Variants in PASD1 observed in about 807,000 individuals in gnomAD.
PASD1 encodes circadian clock protein PASD1.
A neutral mutation model predicts 58.8 loss-of-function variants in PASD1; 13 were observed. The ratio of observed to expected loss-of-function variants is 0.22; its 90% CI spans 0.14 to 0.35. The LOEUF (loss-of-function observed/expected upper bound fraction) is 0.35. Ranked by LOEUF, PASD1 falls within the 10% of genes least tolerant of loss-of-function variation. The probability of loss-of-function intolerance (pLI) is 1.00; values close to 1 mark genes in which losing one functional copy is unlikely to be tolerated. For missense variants in PASD1, 734 were observed against 568.3 expected (o/e 1.29, Z -2.96); for synonymous variants, 236 against 216.7 (o/e 1.09, Z -0.78).
At position 151,636,050 on chromosome X, in the gene PASD1, A is replaced by C. The variant is rs939589402; in HGVS notation, c.629+10520A>C. On this transcript the variant is annotated intron_variant, in intron 8 of 15. Transcript: ENST00000370357. ...TTTAAAGATATACAATGTTTTCAGC[A>C]CACTAGAAGCCTTCTTTGTGCCCCT... Among the ~76,000 whole-genome samples, 4 of 111,485 alleles carry C rather than the reference A, an allele frequency of 3.6e-5. No individual in the cohort carries two copies. The East Asian group carries it at 1.1e-3, about 31-fold the overall frequency.
Position 151,674,182 on chromosome X carries a change from A to G in PASD1, c.2171A>G (p.His724Arg). 8.3e-7 allele frequency: 1 copy of G among 1,211,638 alleles called. No homozygotes were observed. Among genetic ancestry groups the G allele is most frequent in the Non-Finnish European group, 1.1e-6 (1 of 895,474 alleles). Residue 724 changes from histidine to arginine, a missense_variant, in exon 15 of 16, where the codon CAT (histidine) becomes CGT (arginine). Physicochemically the swap from His to Arg is conservative, Grantham distance 29. Transcript: ENST00000370357. Reference protein sequence around the residue: ...QGTLHGQPTYHQVQVSEVGVE... With the variant: ...QGTLHGQPTYRQVQVSEVGVE... ...ACCCTGCACGGCCAACCCACCTACCATCAGGTATGGGACAGCCCCCTCCTT... is the reference window on the plus strand; with the variant it reads ...ACCCTGCACGGCCAACCCACCTACCGTCAGGTATGGGACAGCCCCCTCCTT...
rs139740818 is a variant in PASD1 at position 151,603,005 on chromosome X, T to C, written c.28+1424T>C. Among the ~76,000 whole-genome samples, 61 of 112,805 alleles carry C rather than the reference T, an allele frequency of 5.4e-4. 2 individuals carry two copies. The East Asian group carries it at 0.015, about 27-fold the overall frequency. On this transcript the variant is annotated intron_variant, in intron 2 of 15. Transcript: ENST00000370357. Reference sequence around the variant, plus strand: ...GTCAATCAAATCTTAGCTCAGATGTTACCTTCCTAATACCTTCCTAGTAAG... The same window carrying C: ...GTCAATCAAATCTTAGCTCAGATGTCACCTTCCTAATACCTTCCTAGTAAG...
At chrX:151,611,892 T>C in intron 4 of PASD1, 139 bp downstream of exon 4, 1 of 407,506 alleles carries the variant, frequency 2.5e-6, no homozygotes, top group Admixed American at 4.4e-5. Context: ...TATGGATACA[T>C]GTGCCATGTT....
intron 4 of PASD1, among the ~76,000 whole-genome samples, chrX:151,617,801 T>C (rs1373688016): frequency 1.8e-5 from 2 of 111,860 alleles, no homozygotes; most frequent in Admixed American, 9.6e-5. Context: ...GTTTCATTTC[T>C]GCATTTCTGA....
chrX:151,611,138 T>A (rs2013552496), intron 3 of PASD1, among the ~76,000 whole-genome samples: 2 of 111,447 alleles, frequency 1.8e-5, no homozygotes, highest in Admixed American at 1.9e-4. Flanking sequence ...TCCCTTACTT[T>A]ACCAGTAGCT....
intron 3 of PASD1, among the ~76,000 whole-genome samples, chrX:151,605,022 G>C (rs2013470041): frequency 8.9e-6 from 1 of 112,091 alleles, no homozygotes; most frequent in African/African-American, 3.2e-5. Context: ...GGCAAGTTAA[G>C]TGGTTATCTG....
At chrX:151,588,234 G>T (rs2013196603) in intron 1 of PASD1, among the ~76,000 whole-genome samples, 1 of 112,144 alleles carries the variant, frequency 8.9e-6, no homozygotes, top group South Asian at 3.7e-4. Flanking sequence ...TCTATAGAAA[G>T]ACAGAGTTGA....
chrX:151,595,104 T>C (rs1414186889), intron 1 of PASD1, among the ~76,000 whole-genome samples: 1 of 112,450 alleles, frequency 8.9e-6, no homozygotes, highest in African/African-American at 3.2e-5. Flanking sequence ...TGTTTTAGTT[T>C]TTCTTTGTGT....
chrX:151,606,971 C>T (rs1455690566), intron 3 of PASD1, among the ~76,000 whole-genome samples: 2 of 111,531 alleles, frequency 1.8e-5, no homozygotes, highest in African/African-American at 3.3e-5. Flanking sequence ...CAAAAATATA[C>T]ATAACATATA....
chrX:151,653,786 C>CTT (rs1569413693), intron 9 of PASD1, among the ~76,000 whole-genome samples: 1 of 17,046 alleles, frequency 5.9e-5, no homozygotes, highest in African/African-American at 1.5e-4. Context: ...TTCTTTCTTT[C>CTT]TTTCTTTCTT....
intron 1 of PASD1, among the ~76,000 whole-genome samples, chrX:151,592,275 G>A (rs1224662809): frequency 8.9e-6 from 1 of 112,235 alleles, no homozygotes; most frequent in Non-Finnish European, 1.9e-5. Context: ...TGATGATATT[G>A]AGACATCCCT....
intron 4 of PASD1, among the ~76,000 whole-genome samples, chrX:151,612,503 G>C (rs751913508): frequency 1.5e-4 from 16 of 109,884 alleles, no homozygotes; most frequent in Admixed American, 2.9e-4. Context: ...TTTAATGATC[G>C]CCATTCTAAC....
At chrX:151,601,709 C>A in intron 2 of PASD1, 128 bp downstream of exon 2, 1 of 662,942 alleles carries the variant, frequency 1.5e-6, no homozygotes, top group African/African-American at 2.2e-5. Context: ...GTGGTTTCTC[C>A]AGTGTTTTTT....
chrX:151,595,609 C>T (rs1025845367), intron 1 of PASD1, among the ~76,000 whole-genome samples: 2 of 109,359 alleles, frequency 1.8e-5, no homozygotes, highest in African/African-American at 6.7e-5. Flanking sequence ...CCTGTAGTCC[C>T]GGCTACTCGG....
intron 1 of PASD1, among the ~76,000 whole-genome samples, chrX:151,599,837 G>A (rs1220841649): frequency 9.0e-6 from 1 of 111,073 alleles, no homozygotes; most frequent in African/African-American, 3.3e-5. Context: ...GCCAGGCAGA[G>A]ACGCTCCTCA....
At chrX:151,641,128 T>G (rs1279742941) in intron 8 of PASD1, 1 of 111,459 alleles carries the variant, frequency 9.0e-6, no homozygotes, top group African/African-American at 3.3e-5. Context: ...TTACTTGTTT[T>G]TTTTTAATTC....
In PASD1 at chrX:151,623,060, T is replaced by C; in HGVS notation, c.542T>C (p.Leu181Pro). The change falls in exon 7 of 16, where the codon CTG (leucine) becomes CCG (proline). Residue 181 changes from leucine to proline, a missense_variant. Coordinates refer to ENST00000370357, the MANE Select transcript of PASD1 (RefSeq NM_173493.3). ...GTTTGCATTCTCAGGACTCAGCTCC[T>C]GCAGGTGGGTATACTGTGTTTGTGC... ...GNVCILRTQL[L>P]QQLYTSKAVS... 8.3e-7 allele frequency: 1 copy of C among 1,209,987 alleles called. No homozygotes were observed. Among genetic ancestry groups the C allele is most frequent in the Non-Finnish European group, 1.1e-6 (1 of 894,463 alleles).
intron 1 of PASD1, among the ~76,000 whole-genome samples, chrX:151,592,668 A>T (rs2013266056): frequency 9.0e-6 from 1 of 111,451 alleles, no homozygotes; most frequent in Non-Finnish European, 1.9e-5. Flanking sequence ...TTAACTTCCA[A>T]ATATTTGAGG....
At chrX:151,583,033 T>G (rs913725435) in intron 1 of PASD1, among the ~76,000 whole-genome samples, 4 of 111,622 alleles carry the variant, frequency 3.6e-5, no homozygotes, top group Non-Finnish European at 1.9e-5. Flanking sequence ...CCTAGTGAGC[T>G]GAAGGTCACA....
Sources: gnomAD v4.1 joint callset for allele counts (sites outside exome capture counted in the v4.1 genomes callset) on GRCh38, gnomAD v4.1.1 for gene constraint, MANE v1.5 for transcripts, NCBI Gene and HGNC (gene_info 2026-07-23, HGNC 2026-07-21) for gene names.